The following INVS variants were observed in gnomAD, a reference collection of about 807,000 sequenced individuals.
The protein encoded by INVS is inversion of embryo turning homolog.
In INVS, 86 loss-of-function variants were observed where a neutral mutation model predicts 108.8. That is an observed-to-expected ratio of 0.79 (90% CI 0.66 to 0.95). The LOEUF is 0.95. INVS is among the 40% of genes least tolerant of loss of function. INVS has a pLI of 0.00. For missense variants in INVS, 1,169 were observed against 1,297.4 expected (o/e 0.90, Z 1.52); for synonymous variants, 455 against 473.5 (o/e 0.96, Z 0.51).
In INVS at chr9:100,299,163, A is replaced by G. The variant is rs965028735; in HGVS notation, c.3091+1153A>G. On this transcript the variant is annotated intron_variant, in intron 16 of 16. Coordinates refer to ENST00000262457, the MANE Select transcript of INVS (RefSeq NM_014425.5). ...ATACTTAATGATTTCTTAGGACTTC[A>G]TATGAACAAGCAACTTACTTGTCCT... 2.6e-5 allele frequency among the ~76,000 whole-genome samples: 4 copies of G among 152,326 alleles called. No individual in the cohort carries two copies. In the South Asian group the frequency reaches 6.2e-4, roughly 24 times the overall value.
At chr9:100,263,237 GT>G (rs1444831198) in intron 10 of INVS, among the ~76,000 whole-genome samples, 1 of 152,016 alleles carries the variant, frequency 6.6e-6, no homozygotes, top group Non-Finnish European at 1.5e-5. Context: ...TATTAGTTAT[GT>G]ATTGCTGCTG....
At chr9:100,164,063 T>C (rs1429944204) in intron 3 of INVS, among the ~76,000 whole-genome samples, 1 of 152,210 alleles carries the variant, frequency 6.6e-6, no homozygotes, top group Admixed American at 6.5e-5. Context: ...TGGACCAGAA[T>C]GGTAGTGGCA....
At chr9:100,283,197 G>A (rs1057014780) in intron 12 of INVS, among the ~76,000 whole-genome samples, 4 of 152,104 alleles carry the variant, frequency 2.6e-5, no homozygotes, top group Non-Finnish European at 5.9e-5. Context: ...CATGCTACTC[G>A]GGAGGCTGAG....
In INVS at chr9:100,246,736, A is replaced by G; in HGVS notation, c.1027A>G (p.Ser343Gly). The change falls in exon 8 of 17, where the codon AGC (serine) becomes GGC (glycine). Residue 343 changes from serine to glycine, a missense_variant. Physicochemically the swap from Ser to Gly is moderately conservative, Grantham distance 56. Transcript: ENST00000262457. ...TGATGATGTCCTTAGAACTATGCTG[A>G]GCTTAAAATCGGACATAGATATTAA... ...GSDDVLRTMLSLKSDIDINMA... is the reference protein window; with the variant it reads ...GSDDVLRTMLGLKSDIDINMA... 2 of 1,614,062 alleles carry G rather than the reference A, an allele frequency of 1.2e-6. No individual in the cohort carries two copies. Among genetic ancestry groups the G allele is most frequent in the Non-Finnish European group, 1.7e-6 (2 of 1,179,916 alleles).
In INVS at chr9:100,297,116, A is replaced by G. The variant is rs762270563; in HGVS notation, c.2986A>G (p.Thr996Ala). The change falls in exon 15 of 17, where the codon ACC (threonine) becomes GCC (alanine). Residue 996 changes from threonine (T) to alanine (A), a missense_variant. By Grantham distance (58) the Thr-to-Ala change is moderately conservative. Around this residue, in one of 3 missense-constraint regions of INVS, gnomAD observed 533 missense variants for 536.0 expected, o/e 0.99. Transcript: ENST00000262457. ...CAAGGGCACCTCAGGCACAAAGTCC[A>G]CCAAGCACTCAGTGCTTAAGCAAAT... Reference protein sequence around the residue: ...PSKGTSGTKSTKHSVLKQIYG... With the variant: ...PSKGTSGTKSAKHSVLKQIYG... The G allele has an allele frequency of 1.2e-5, 20 of 1,613,998 alleles. No individual in the cohort carries two copies. The African/African-American group carries it at 2.5e-4, about 20-fold the overall frequency.
Position 100,253,209 on chromosome 9 carries a change from G to A in INVS, c.1464+73G>A, listed in dbSNP as rs145515480. 1.0e-3 allele frequency: 1,207 copies of A among 1,177,428 alleles called. 8 individuals are homozygous for A. In the African/African-American group the frequency reaches 0.016, roughly 15 times the overall value. 72.9% of individuals were successfully genotyped at this position (1,177,428 alleles called of 1,614,324 possible). On this transcript the variant is annotated intron_variant, in intron 10 of 16. Coordinates refer to ENST00000262457, the MANE Select transcript of INVS (RefSeq NM_014425.5). ...TATTTCTTCTTTGTTGTAAACATAAGTAAAACAACAGTTTACAAGATGAAG... is the reference window on the plus strand; with the variant it reads ...TATTTCTTCTTTGTTGTAAACATAAATAAAACAACAGTTTACAAGATGAAG...
At chr9:100,215,464 A>T (rs575778710) in intron 3 of INVS, 2 of 152,390 alleles carry the variant, frequency 1.3e-5, no homozygotes, top group African/African-American at 4.8e-5. Flanking sequence ...AAACTGCTTC[A>T]TACAGGAGTG....
chr9:100,109,551 C>T lies in INVS; in HGVS notation c.106+4924C>T, dbSNP rs534854468. ...CATTACTGCCAATAATATTTGAGGT[C>T]GCTTGCAGTGGTATCGTGACCAGGA... On this transcript the variant is annotated intron_variant, in intron 2 of 16. Coordinates refer to ENST00000262457, the MANE Select transcript of INVS (RefSeq NM_014425.5). Among the ~76,000 whole-genome samples the T allele has an allele frequency of 1.7e-3, 263 of 152,278 alleles. 1 individual carries two copies. Among genetic ancestry groups the T allele is most frequent in the African/African-American group, 6.0e-3 (248 of 41,556 alleles).
chr9:100,298,445 C>T (rs1833854841), intron 16 of INVS: 2 of 506,352 alleles, frequency 3.9e-6, no homozygotes, highest in South Asian at 8.4e-5. Context: ...GCGTGCTTTC[C>T]CTCATACAGG....
intron 14 of INVS, among the ~76,000 whole-genome samples, chr9:100,293,657 G>T (rs1833697580): frequency 6.6e-6 from 1 of 152,176 alleles, no homozygotes; most frequent in Admixed American, 6.5e-5. Flanking sequence ...CTGGGAGTGG[G>T]GGTGAAGGCT....
At chr9:100,100,850 T>C in intron 1 of INVS, among the ~76,000 whole-genome samples, 1 of 20,914 alleles carries the variant, frequency 4.8e-5, no homozygotes, top group African/African-American at 1.8e-4. Context: ...ATATATAATA[T>C]ATGTATATAT....
chr9:100,230,765 C>T (rs978024401), intron 5 of INVS, among the ~76,000 whole-genome samples: 1 of 152,178 alleles, frequency 6.6e-6, no homozygotes, highest in Admixed American at 6.5e-5. Flanking sequence ...GATCTACCTG[C>T]CTCAGCCTCC....
At chr9:100,255,290 C>T (rs1042675733) in intron 10 of INVS, among the ~76,000 whole-genome samples, 4 of 152,176 alleles carry the variant, frequency 2.6e-5, no homozygotes, top group African/African-American at 9.7e-5. Context: ...GCTGAAGTTG[C>T]CTATCAGCTT....
intron 12 of INVS, among the ~76,000 whole-genome samples, chr9:100,283,512 T>G (rs932086238): frequency 1.3e-5 from 2 of 152,116 alleles, no homozygotes; most frequent in African/African-American, 4.8e-5. Context: ...TCCCTACAAG[T>G]TAACAGCAAT....
At chr9:100,198,268 T>A (rs1446162032) in intron 3 of INVS, among the ~76,000 whole-genome samples, 1 of 14,174 alleles carries the variant, frequency 7.1e-5, no homozygotes, top group Non-Finnish European at 1.7e-4. Context: ...GCTAGAATTT[T>A]TTTTTTTTTT....
At chr9:100,225,069 T>G (rs1210617017) in intron 3 of INVS, among the ~76,000 whole-genome samples, 1 of 151,634 alleles carries the variant, frequency 6.6e-6, no homozygotes, top group Non-Finnish European at 1.5e-5. Context: ...TTTGTTTTTT[T>G]TTTTTTGAGA....
chr9:100,154,279 C>G (rs1828896284), intron 3 of INVS, among the ~76,000 whole-genome samples: 1 of 150,056 alleles, frequency 6.7e-6, no homozygotes, highest in South Asian at 2.1e-4. Flanking sequence ...ATCATCCCAC[C>G]TTAGGCTCCT....
In INVS at chr9:100,099,373, C is replaced by T. The variant is rs924316671; in HGVS notation, c.-68C>T. Reference sequence around the variant, plus strand: ...AGGGGCGGCCCGGTCCGGGTTGCGCCTCCTGGAGCCGCCCCCGGGACGTCA... The same window carrying T: ...AGGGGCGGCCCGGTCCGGGTTGCGCTTCCTGGAGCCGCCCCCGGGACGTCA... On this transcript the variant is annotated 5_prime_UTR_variant, in exon 1 of 17. Coordinates refer to ENST00000262457, the MANE Select transcript of INVS (RefSeq NM_014425.5). The T allele has an allele frequency of 2.0e-5, 3 of 153,170 alleles. No individual in the cohort carries two copies. Among genetic ancestry groups the T allele is most frequent in the Non-Finnish European group, 4.4e-5 (3 of 68,450 alleles). 9.5% of individuals were successfully genotyped at this position (153,170 alleles called of 1,614,324 possible).
chr9:100,160,267 C>A (rs1254111719), intron 3 of INVS, among the ~76,000 whole-genome samples: 1 of 152,202 alleles, frequency 6.6e-6, no homozygotes, highest in Non-Finnish European at 1.5e-5. Context: ...GCCGCTGAGA[C>A]AGGACTGCTA....
Sources: allele counts gnomAD v4.1 joint callset (sites outside exome capture counted in the v4.1 genomes callset), GRCh38; gene constraint gnomAD v4.1.1; regional missense constraint gnomAD v4.1.1; transcripts MANE v1.5; gene names NCBI Gene and HGNC (gene_info 2026-07-23, HGNC 2026-07-21).